The following STXBP5L variants were observed in gnomAD, a reference collection of about 807,000 sequenced individuals.
STXBP5L encodes syntaxin-binding protein 5-like.
STXBP5L carries 65 observed loss-of-function variants against 144.5 expected under a neutral mutation model. The observed-to-expected ratio is 0.45, with a 90% CI of 0.37 to 0.55. The LOEUF (loss-of-function observed/expected upper bound fraction) is 0.55. Among genes scored for constraint, STXBP5L ranks in the 20% least tolerant of loss-of-function variants. The pLI, the probability that STXBP5L is intolerant of heterozygous loss-of-function variation, is 0.00. For missense variants in STXBP5L, 1,298 were observed against 1,405.5 expected (o/e 0.92, Z 1.22); for synonymous variants, 505 against 469.6 (o/e 1.08, Z -0.97).
intron 5 of STXBP5L, among the ~76,000 whole-genome samples, chr3:121,056,914 A>T (rs1371538900): frequency 1.3e-5 from 2 of 151,090 alleles, no homozygotes; most frequent in Non-Finnish European, 3.0e-5. Flanking sequence ...AATTAGCAAG[A>T]CCTTTAAACA....
intron 9 of STXBP5L, among the ~76,000 whole-genome samples, chr3:121,169,286 A>G (rs1480253081): frequency 6.6e-6 from 1 of 152,200 alleles, no homozygotes; most frequent in Non-Finnish European, 1.5e-5. Context: ...ATCAACTAAC[A>G]GGCAAAATAA....
At chr3:121,102,157 A>G (rs1576961818) in intron 5 of STXBP5L, among the ~76,000 whole-genome samples, 2 of 151,556 alleles carry the variant, frequency 1.3e-5, no homozygotes, top group Admixed American at 1.3e-4. Context: ...TAAAGATTCA[A>G]TGCTATACTT....
chr3:121,185,275 T>C (rs1366235037), intron 9 of STXBP5L, among the ~76,000 whole-genome samples: 1 of 152,246 alleles, frequency 6.6e-6, no homozygotes, highest in Non-Finnish European at 1.5e-5. Flanking sequence ...GTAGTTTCTT[T>C]TGCTGTGCAA....
chr3:120,957,017 C>A (rs1938110957), intron 3 of STXBP5L, among the ~76,000 whole-genome samples: 1 of 151,850 alleles, frequency 6.6e-6, no homozygotes, highest in Non-Finnish European at 1.5e-5. Context: ...GTAAAAGGGT[C>A]TAATCTCACT....
intron 5 of STXBP5L, among the ~76,000 whole-genome samples, chr3:121,092,252 G>A (rs1441007283): frequency 3.3e-5 from 5 of 151,638 alleles, no homozygotes; most frequent in African/African-American, 4.9e-5. Context: ...TTGGCAATGC[G>A]GGCTCTTTCT....
intron 9 of STXBP5L, among the ~76,000 whole-genome samples, chr3:121,173,514 T>C (rs2108071763): frequency 6.6e-6 from 1 of 152,050 alleles, no homozygotes; most frequent in South Asian, 2.1e-4. Context: ...CTCCCCACCA[T>C]GCAGTAAAAA....
At chr3:121,176,020 T>A (rs1002753331) in intron 9 of STXBP5L, among the ~76,000 whole-genome samples, 5 of 152,072 alleles carry the variant, frequency 3.3e-5, no homozygotes, top group African/African-American at 4.8e-5. Flanking sequence ...GACATAATAA[T>A]GCTAACTGTG....
intron 5 of STXBP5L, among the ~76,000 whole-genome samples, chr3:121,082,802 T>C (rs1322469921): frequency 6.6e-6 from 1 of 152,240 alleles, no homozygotes; most frequent in African/African-American, 2.4e-5. Flanking sequence ...GTGAACAACA[T>C]TGATTGATTT....
intron 9 of STXBP5L, among the ~76,000 whole-genome samples, chr3:121,172,321 C>T (rs1432132628): frequency 6.6e-6 from 1 of 152,096 alleles, no homozygotes; most frequent in African/African-American, 2.4e-5. Flanking sequence ...CAACAAAAGG[C>T]AAAATTGACA....
At chr3:121,336,164 A>G (rs1302038627) in intron 20 of STXBP5L, among the ~76,000 whole-genome samples, 4 of 152,196 alleles carry the variant, frequency 2.6e-5, no homozygotes, top group African/African-American at 9.6e-5. Context: ...TATGAAAAAA[A>G]GTTCAATATC....
chr3:120,961,439 C>G (rs147341625), intron 3 of STXBP5L, among the ~76,000 whole-genome samples: 1 of 151,904 alleles, frequency 6.6e-6, no homozygotes, highest in Non-Finnish European at 1.5e-5. Flanking sequence ...CGTCCCCCAA[C>G]GAGGCCCCAG....
At chr3:121,059,204 T>G (rs1457367954) in intron 5 of STXBP5L, among the ~76,000 whole-genome samples, 1 of 152,232 alleles carries the variant, frequency 6.6e-6, no homozygotes, top group East Asian at 1.9e-4. Flanking sequence ...TAGCCAGTTT[T>G]CCCAACACCA....
At chr3:121,140,535 A>G (rs1349898380) in intron 7 of STXBP5L, among the ~76,000 whole-genome samples, 1 of 152,214 alleles carries the variant, frequency 6.6e-6, no homozygotes, top group East Asian at 1.9e-4. Flanking sequence ...GTATATATTC[A>G]CAATGGAATA....
chr3:121,302,254 T>A (rs2051946264), intron 19 of STXBP5L, among the ~76,000 whole-genome samples: 1 of 152,228 alleles, frequency 6.6e-6, no homozygotes, highest in African/African-American at 2.4e-5. Context: ...ATTCAACTTC[T>A]TCCTGGTTTA....
intron 3 of STXBP5L, among the ~76,000 whole-genome samples, chr3:120,955,501 C>A (rs189897629): frequency 1.3e-5 from 2 of 152,120 alleles, no homozygotes; most frequent in Admixed American, 1.3e-4. Flanking sequence ...GAACTTTCTT[C>A]TTTTCTAATA....
At chr3:121,068,917 A>C (rs1246842671) in intron 5 of STXBP5L, among the ~76,000 whole-genome samples, 2 of 152,186 alleles carry the variant, frequency 1.3e-5, no homozygotes, top group Non-Finnish European at 2.9e-5. Flanking sequence ...ATTTCATAAT[A>C]GTTGCAGATT....
intron 10 of STXBP5L, among the ~76,000 whole-genome samples, chr3:121,217,096 A>T (rs1212235845): frequency 6.6e-6 from 1 of 152,132 alleles, no homozygotes. Context: ...ATTTCAAACC[A>T]GTGGATCTTA....
chr3:121,087,135 G>A (rs2042538920), intron 5 of STXBP5L, among the ~76,000 whole-genome samples: 1 of 152,000 alleles, frequency 6.6e-6, no homozygotes, highest in African/African-American at 2.4e-5. Flanking sequence ...TTCTGTGTAT[G>A]CTAGAAAAAT....
intron 5 of STXBP5L, among the ~76,000 whole-genome samples, chr3:121,056,712 T>G (rs2107614557): frequency 6.6e-6 from 1 of 152,276 alleles, no homozygotes; most frequent in East Asian, 1.9e-4. Flanking sequence ...GGACACTTAC[T>G]TACTTCCCCT....
Sources: gnomAD v4.1 joint callset for allele counts (sites outside exome capture counted in the v4.1 genomes callset) on GRCh38, gnomAD v4.1.1 for gene constraint, MANE v1.5 for transcripts, NCBI Gene and HGNC (gene_info 2026-07-23, HGNC 2026-07-21) for gene names.